PTPN13: variants seen among roughly 807,000 people sequenced by gnomAD.
The protein encoded by PTPN13 is protein tyrosine phosphatase non-receptor type 13.
A neutral mutation model predicts 284.0 loss-of-function variants in PTPN13; 191 were observed. The ratio of observed to expected loss-of-function variants is 0.67; its 90% CI spans 0.60 to 0.76. The LOEUF (loss-of-function observed/expected upper bound fraction) is 0.76. Among genes scored for constraint, PTPN13 ranks in the 30% least tolerant of loss-of-function variants. PTPN13 has a pLI of 0.00. For synonymous variants in PTPN13, 986 were observed against 1,022.3 expected (o/e 0.96, Z 0.68); for missense variants, 2,797 against 2,939.9 (o/e 0.95, Z 1.12).
chr4:86,798,022 A>C (rs962460822), intron 41 of PTPN13, among the ~76,000 whole-genome samples: 3 of 152,192 alleles, frequency 2.0e-5, no homozygotes, highest in African/African-American at 4.8e-5. Flanking sequence ...GTTAATCCCC[A>C]AAAAACTGAA....
chr4:86,805,474 G>GTATGCACA, intron 44 of PTPN13, 105 bp downstream of exon 44: 1 of 527,382 alleles, frequency 1.9e-6, no homozygotes, highest in Non-Finnish European at 3.3e-6. Context: ...CCGTGTGCAT[G>GTATGCACA]TGCATACATT....
At chr4:86,644,140 T>G (rs529245827) in intron 2 of PTPN13, among the ~76,000 whole-genome samples, 4 of 152,198 alleles carry the variant, frequency 2.6e-5, no homozygotes, top group African/African-American at 9.6e-5. Context: ...GATTTTTTTT[T>G]TTTTCTTTTC....
At position 86,785,326 on chromosome 4, in the gene PTPN13, C is replaced by T; in HGVS notation, c.6214C>T (p.Leu2072Phe). The change falls in exon 39 of 48, where the codon CTT (leucine) becomes TTT (phenylalanine). Residue 2072 changes from leucine to phenylalanine, a missense_variant. Leu to Phe is a conservative substitution (Grantham distance 22). Transcript: ENST00000411767. The part of the protein sequence containing the change: ...LDVVDEEAQN[L>F]LNENNAAGYS... ...TGTTGTGGATGAGGAAGCCCAGAAT[C>T]TTTTAAACGAAAATAATGCAGCAGG... The T allele has an allele frequency of 1.2e-6, 2 of 1,611,066 alleles. No individual in the cohort carries two copies. The highest frequency in any genetic ancestry group is 1.3e-5 in the African/African-American group (1 of 74,926).
At chr4:86,736,890 T>C (rs1266372672) in intron 15 of PTPN13, among the ~76,000 whole-genome samples, 1 of 152,238 alleles carries the variant, frequency 6.6e-6, no homozygotes, top group African/African-American at 2.4e-5. Context: ...TTACTTCATT[T>C]CACTTTAACT....
At chr4:86,607,412 T>C (rs1764874549) in intron 1 of PTPN13, among the ~76,000 whole-genome samples, 1 of 151,996 alleles carries the variant, frequency 6.6e-6, no homozygotes. Flanking sequence ...ACTATTTGAA[T>C]ATTATTGTGT....
At chr4:86,731,173 GCACACAC>G (rs1734909614) in intron 10 of PTPN13, among the ~76,000 whole-genome samples, 1 of 152,158 alleles carries the variant, frequency 6.6e-6, no homozygotes, top group African/African-American at 2.4e-5. Flanking sequence ...ATTAGTTCAA[GCACACAC>G]CTACACATAC....
intron 10 of PTPN13, among the ~76,000 whole-genome samples, chr4:86,729,072 A>G (rs1350636445): frequency 6.7e-6 from 1 of 149,136 alleles, no homozygotes; most frequent in Non-Finnish European, 1.5e-5. Flanking sequence ...GCTTGTCTGT[A>G]AAGGATTTTA....
chr4:86,668,038 T>C lies in PTPN13; in HGVS notation c.116-4327T>C, dbSNP rs77769721. On this transcript the variant is annotated intron_variant, in intron 2 of 47. Coordinates refer to ENST00000411767, the MANE Select transcript of PTPN13 (RefSeq NM_080683.3). ...CATTGGAAAGAAGCTCTAAGGTGTTTGCATATCAAATTTCTGCTTATCCTT... is the reference window on the plus strand; with the variant it reads ...CATTGGAAAGAAGCTCTAAGGTGTTCGCATATCAAATTTCTGCTTATCCTT... Among the ~76,000 whole-genome samples, 387 of 152,324 alleles carry C rather than the reference T, an allele frequency of 2.5e-3. 3 individuals are homozygous for C. Among genetic ancestry groups the C allele is most frequent in the African/African-American group, 8.5e-3 (355 of 41,596 alleles).
chr4:86,753,767 T>C (rs1391531209), intron 20 of PTPN13, among the ~76,000 whole-genome samples: 1 of 152,088 alleles, frequency 6.6e-6, no homozygotes, highest in Non-Finnish European at 1.5e-5. Context: ...ACAACTTTCA[T>C]GAGTAGAAAA....
chr4:86,726,579 T>C (rs947726169), intron 10 of PTPN13, among the ~76,000 whole-genome samples: 2 of 149,316 alleles, frequency 1.3e-5, no homozygotes, highest in African/African-American at 2.4e-5. Context: ...TTTGTAGTAA[T>C]TGTGAATGGG....
intron 3 of PTPN13, among the ~76,000 whole-genome samples, chr4:86,681,565 C>T (rs148757867): frequency 2.0e-5 from 3 of 152,268 alleles, no homozygotes; most frequent in Non-Finnish European, 2.9e-5. Context: ...AGAATCTTGC[C>T]TCTGTCAGTT....
intron 17 of PTPN13, among the ~76,000 whole-genome samples, chr4:86,749,111 A>G (rs981462346): frequency 1.1e-4 from 16 of 152,208 alleles, no homozygotes; most frequent in South Asian, 2.1e-4. Context: ...TGATGCATGA[A>G]TATTAAAAAC....
At chr4:86,807,960 C>A in intron 45 of PTPN13, 63 bp downstream of exon 45, 2 of 1,389,060 alleles carry the variant, frequency 1.4e-6, no homozygotes, top group Non-Finnish European at 2.0e-6. Context: ...CAAGCCTGGA[C>A]TCTTTCCGTG....
At chr4:86,708,428 G>T (rs1322512671) in intron 7 of PTPN13, among the ~76,000 whole-genome samples, 2 of 152,040 alleles carry the variant, frequency 1.3e-5, no homozygotes, top group Non-Finnish European at 2.9e-5. Context: ...AAATACTAGG[G>T]AAAATTAAAG....
intron 7 of PTPN13, among the ~76,000 whole-genome samples, chr4:86,711,668 A>T (rs983744299): frequency 8.5e-5 from 13 of 152,210 alleles, no homozygotes; most frequent in African/African-American, 2.7e-4. Flanking sequence ...AATGGACCCT[A>T]GTACACTAAT....
chr4:86,659,049 A>G (rs1274381974), intron 2 of PTPN13, among the ~76,000 whole-genome samples: 2 of 152,152 alleles, frequency 1.3e-5, no homozygotes, highest in Non-Finnish European at 2.9e-5. Context: ...CTGTGAGGAT[A>G]CATCATAATT....
intron 40 of PTPN13, among the ~76,000 whole-genome samples, chr4:86,789,117 G>A (rs1742318187): frequency 6.6e-6 from 1 of 152,174 alleles, no homozygotes; most frequent in Non-Finnish European, 1.5e-5. Context: ...GTATCACAGG[G>A]TGTCTTGAAA....
rs1417848595 is a variant in PTPN13 at position 86,701,568 on chromosome 4, A to G, written c.962A>G (p.Tyr321Cys). The G allele has an allele frequency of 8.7e-6, 14 of 1,613,744 alleles. No individual in the cohort carries two copies. The highest frequency in any genetic ancestry group is 1.6e-4 in the Middle Eastern group (1 of 6,084). ...RDFSSGETATYRRCHPEAVTV... is the reference protein window; with the variant it reads ...RDFSSGETATCRRCHPEAVTV... ...TTCTCTTCAGGAGAGACTGCCACAT[A>G]TCGTCGTTGTCACCCTGAGGCAGTA... Residue 321 changes from tyrosine (Y) to cysteine (C), a missense_variant, in exon 7 of 48, where the codon TAT (tyrosine) becomes TGT (cysteine). Physicochemically the swap from Tyr to Cys is radical, Grantham distance 194. Coordinates refer to ENST00000411767, the MANE Select transcript of PTPN13 (RefSeq NM_080683.3).
At chr4:86,686,515 A>C (rs1729478185) in intron 3 of PTPN13, among the ~76,000 whole-genome samples, 195 bp from the exon 4 acceptor site, 1 of 152,224 alleles carries the variant, frequency 6.6e-6, no homozygotes, top group Admixed American at 6.5e-5. Flanking sequence ...AATTAGGAAA[A>C]CATCTGTTGT....
Sources: gnomAD v4.1 joint callset for allele counts (sites outside exome capture counted in the v4.1 genomes callset) on GRCh38, gnomAD v4.1.1 for gene constraint, MANE v1.5 for transcripts, NCBI Gene and HGNC (gene_info 2026-07-23, HGNC 2026-07-21) for gene names.